Variants in SEC24B observed in about 807,000 individuals in gnomAD.
SEC24B encodes SEC24 homolog B, COPII component.
Under a neutral mutation model 142.8 loss-of-function variants are expected in SEC24B, and 45 were observed. The ratio of observed to expected loss-of-function variants is 0.32; its 90% confidence interval spans 0.25 to 0.40. The LOEUF (loss-of-function observed/expected upper bound fraction) is 0.40, where lower values mean the gene tolerates loss of function less well. Among genes scored for constraint, SEC24B ranks in the 10% least tolerant of loss-of-function variants. SEC24B has a pLI of 1.00. For synonymous variants in SEC24B, 574 were observed against 568.2 expected, an observed-to-expected ratio of 1.01 and a Z score of -0.15; for missense variants, 1,409 against 1,526.8, an observed-to-expected ratio of 0.92 and a Z score of 1.29.
intron 6 of SEC24B, among the ~76,000 whole-genome samples, chr4:109,503,729 A>G (rs184092065): frequency 1.8e-3 from 281 of 152,238 alleles, no homozygotes; most frequent in African/African-American, 6.6e-3. Context: ...CAGCGTTAAA[A>G]TCAGGAAAGT....
At chr4:109,486,872 T>C (rs757819222) in intron 4 of SEC24B, among the ~76,000 whole-genome samples, 1 of 152,068 alleles carries the variant, frequency 6.6e-6, no homozygotes, top group Non-Finnish European at 1.5e-5. Context: ...ACAGTACAAC[T>C]TGAAAAGTGT....
intron 14 of SEC24B, 55 bp downstream of exon 14, chr4:109,521,681 TCTATTTCA>T: frequency 7.9e-7 from 1 of 1,264,990 alleles, no homozygotes; most frequent in Non-Finnish European, 1.1e-6. Context: ...ATTTGTTTAT[TCTATTTCA>T]TTAATAATAA....
intron 6 of SEC24B, among the ~76,000 whole-genome samples, chr4:109,504,533 T>G (rs1193245301): frequency 6.6e-6 from 1 of 152,186 alleles, no homozygotes; most frequent in Non-Finnish European, 1.5e-5. Context: ...CTGTTTCATT[T>G]TCTATGGATT....
rs749042073 is a variant in SEC24B at position 109,527,388 on chromosome 4, C to T, written c.3032C>T (p.Ala1011Val). Residue 1011 changes from alanine (A) to valine (V), a missense_variant, in exon 18 of 24, where the codon GCG (alanine) becomes GTG (valine). Ala to Val is a moderately conservative substitution (Grantham distance 64, BLOSUM62 0). This residue lies in a region of SEC24B where 700 missense variants were observed against 853.3 expected (regional missense o/e 0.82). Coordinates refer to ENST00000265175, the MANE Select transcript of SEC24B (RefSeq NM_006323.5). Reference protein sequence around the residue: ...PVVSSLADVYAGVDVQAAICL... With the variant: ...PVVSSLADVYVGVDVQAAICL... ...GTAAGTTCACTAGCAGATGTATATGCGGGAGTGGATGTACAAGCTGCCATC... is the reference window on the plus strand; with the variant it reads ...GTAAGTTCACTAGCAGATGTATATGTGGGAGTGGATGTACAAGCTGCCATC... 1.2e-5 allele frequency: 19 copies of T among 1,613,020 alleles called. 1 individual carries two copies. Among genetic ancestry groups the T allele is most frequent in the South Asian group, 6.6e-5 (6 of 91,036 alleles).
chr4:109,530,915 A>G (rs1418387680), intron 19 of SEC24B, among the ~76,000 whole-genome samples: 1 of 151,456 alleles, frequency 6.6e-6, no homozygotes, highest in Non-Finnish European at 1.5e-5. Context: ...AAAAAAAAAA[A>G]AAAAAGAAAA....
intron 4 of SEC24B, among the ~76,000 whole-genome samples, chr4:109,485,737 AAG>A (rs1307364474): frequency 3.3e-5 from 5 of 152,248 alleles, no homozygotes; most frequent in Non-Finnish European, 7.3e-5. Context: ...GGTAAAAAGA[AAG>A]TGGCTGAAAT....
intron 17 of SEC24B, among the ~76,000 whole-genome samples, chr4:109,526,941 T>C (rs144276997): frequency 0.015 from 2,336 of 152,266 alleles, 42 homozygotes; most frequent in African/African-American, 0.04. Context: ...TGTGGCTGGA[T>C]GTGGCGGTGG....
At chr4:109,442,814 A>G (rs1245796435) in intron 1 of SEC24B, among the ~76,000 whole-genome samples, 3 of 152,042 alleles carry the variant, frequency 2.0e-5, no homozygotes, top group East Asian at 3.8e-4. Context: ...GACTGTTACA[A>G]TCTTATTCAG....
intron 1 of SEC24B, chr4:109,449,421 G>T: frequency 5.4e-6 from 2 of 368,114 alleles, no homozygotes; most frequent in South Asian, 1.9e-5. Flanking sequence ...TTGTAGAGAC[G>T]GGATTTCACC....
intron 11 of SEC24B, among the ~76,000 whole-genome samples, chr4:109,517,667 G>T (rs952985521): frequency 6.6e-6 from 1 of 152,166 alleles, no homozygotes; most frequent in African/African-American, 2.4e-5. Context: ...CCATTCCACA[G>T]TGTAGATATA....
intron 14 of SEC24B, among the ~76,000 whole-genome samples, chr4:109,522,207 C>T (rs912121629): frequency 2.0e-5 from 3 of 151,942 alleles, no homozygotes; most frequent in Non-Finnish European, 4.4e-5. Context: ...CCTGCCACCA[C>T]ACCTGGCTAA....
chr4:109,487,648 G>T (rs914379583), intron 4 of SEC24B, among the ~76,000 whole-genome samples: 2 of 152,228 alleles, frequency 1.3e-5, no homozygotes, highest in African/African-American at 2.4e-5. Flanking sequence ...GTAATGGCAT[G>T]ACCTCTGATT....
Position 109,463,548 on chromosome 4 carries a change from A to T in SEC24B, c.781A>T (p.Thr261Ser), listed in dbSNP as rs771941720. 30 of 1,614,078 alleles carry T rather than the reference A, an allele frequency of 1.9e-5. 1 individual carries two copies. In the Admixed American group the frequency reaches 2.0e-4, roughly 11 times the overall value. Residue 261 changes from threonine (T) to serine (S), a missense_variant, in exon 2 of 24, where the codon ACG becomes TCG. Transcript: ENST00000265175. The part of the protein sequence containing the change: ...QQSLSGYSTL[T>S]WSSPGLPSTQ... ...AAGTCTTTCAGGATACAGTACTCTAACGTGGTCATCTCCAGGCCTTCCATC... is the reference window on the plus strand; with the variant it reads ...AAGTCTTTCAGGATACAGTACTCTATCGTGGTCATCTCCAGGCCTTCCATC...
chr4:109,531,608 A>G lies in SEC24B; in HGVS notation c.3390+86A>G, dbSNP rs145677518. The G allele has an allele frequency of 6.3e-4, 644 of 1,015,686 alleles. 3 individuals are homozygous for G. In the African/African-American group the frequency reaches 8.6e-3, roughly 14 times the overall value. The allele number at this position is 1,015,686 out of a possible 1,614,324, so 62.9% of individuals were successfully genotyped here. On this transcript the variant is annotated intron_variant, in intron 20 of 23. Transcript: ENST00000265175. ...CAGCTAAGATGATAATATACTATCA[A>G]CTGGTTTTTCTTTTTAACTCTTTTT...
At chr4:109,527,075 T>C (rs1485557114) in intron 17 of SEC24B, among the ~76,000 whole-genome samples, 1 of 151,746 alleles carries the variant, frequency 6.6e-6, no homozygotes, top group East Asian at 1.9e-4. Flanking sequence ...AAAAATTAGC[T>C]GGGTATGGTG....
At position 109,521,604 on chromosome 4, in the gene SEC24B, C is replaced by G; in HGVS notation, c.2486C>G (p.Pro829Arg). The change falls in exon 14 of 24, where the codon CCT (proline) becomes CGT (arginine). Residue 829 changes from proline to arginine, a missense_variant. By Grantham distance (103) the Pro-to-Arg change is moderately radical. This residue lies in a region of SEC24B where 700 missense variants were observed against 853.3 expected (regional missense o/e 0.82). Transcript: ENST00000265175. ...GGACTTCTGCAATCCAGAGAAGATC[C>G]TAATCAGAGATCAAGTACAAAGGTA... ...GAGLLQSRED[P>R]NQRSSTKVVQ... The G allele has an allele frequency of 6.2e-7, 1 of 1,612,878 alleles. No homozygotes were observed. Among genetic ancestry groups the G allele is most frequent in the Non-Finnish European group, 8.5e-7 (1 of 1,179,182 alleles).
At position 109,539,585 on chromosome 4, in the gene SEC24B, A is replaced by G. The variant is rs1433326354; in HGVS notation, c.3717A>G (p.Glu1239=). 3.7e-6 allele frequency: 6 copies of G among 1,613,742 alleles called. No individual in the cohort carries two copies. Among genetic ancestry groups the G allele is most frequent in the Non-Finnish European group, 4.2e-6 (5 of 1,179,768 alleles). ...IVKDESPAKA[E]FFQHLIEDRT... ...GAGATGAGAGTCCTGCCAAAGCAGAATTTTTTCAGCATTTGATTGAAGACC... is the reference window on the plus strand; with the variant it reads ...GAGATGAGAGTCCTGCCAAAGCAGAGTTTTTTCAGCATTTGATTGAAGACC... Residue 1239 remains glutamate, a synonymous_variant, in exon 24 of 24, where the codon GAA becomes GAG. Coordinates refer to ENST00000265175, the MANE Select transcript of SEC24B (RefSeq NM_006323.5).
At chr4:109,513,572 G>A (rs912743612) in intron 9 of SEC24B, among the ~76,000 whole-genome samples, 175 bp from the exon 10 acceptor site, 3 of 152,048 alleles carry the variant, frequency 2.0e-5, no homozygotes, top group Non-Finnish European at 4.4e-5. Flanking sequence ...GTGAGCCACC[G>A]CCCTGATCTA....
chr4:109,484,851 C>CAAA (rs36027800), intron 4 of SEC24B, among the ~76,000 whole-genome samples: 2 of 72,722 alleles, frequency 2.8e-5, no homozygotes, highest in African/African-American at 9.2e-5. Context: ...GACTCTGTCT[C>CAAA]AAAAAAAAAA....
Sources: gnomAD v4.1 joint callset for allele counts (sites outside exome capture counted in the v4.1 genomes callset) on GRCh38, gnomAD v4.1.1 for gene constraint, gnomAD v4.1.1 regional missense constraint, MANE v1.5 for transcripts, NCBI Gene and HGNC (gene_info 2026-07-23, HGNC 2026-07-21) for gene names.